CDH8: variants seen among roughly 807,000 people sequenced by gnomAD.
CDH8 encodes cadherin 8.
Under a neutral mutation model 68.1 loss-of-function variants are expected in CDH8, and 17 were observed. The ratio of observed to expected loss-of-function variants is 0.25; its 90% CI spans 0.17 to 0.37. The LOEUF (loss-of-function observed/expected upper bound fraction) is 0.37. Ranked by LOEUF, CDH8 falls within the 10% of genes least tolerant of loss-of-function variation. The pLI is 1.00. For missense variants in CDH8, 763 were observed against 999.3 expected, an observed-to-expected ratio of 0.76 and a Z score of 3.19; for synonymous variants, 372 against 365.1, an observed-to-expected ratio of 1.02 and a Z score of -0.21.
At chr16:61,773,509 A>T (rs1960831844) in intron 8 of CDH8, among the ~76,000 whole-genome samples, 1 of 152,088 alleles carries the variant, frequency 6.6e-6, no homozygotes, top group South Asian at 2.1e-4. Context: ...AATAATACAG[A>T]TGTGAGAAGA....
At chr16:61,715,740 G>A (rs576705782) in intron 9 of CDH8, among the ~76,000 whole-genome samples, 100 of 151,620 alleles carry the variant, frequency 6.6e-4, no homozygotes, top group African/African-American at 2.2e-3. Context: ...TGTAGAGAGA[G>A]GCCCTAGGGT....
chr16:61,652,447 C>T lies in CDH8; in HGVS notation c.*1161G>A. ...AGGATGTTTGTGCTTGTAGTAAAAA[C>T]ACCAAATACTAGGATTATGAACAAA... is the stretch of plus-strand genomic sequence containing the variant. On this transcript the variant is annotated 3_prime_UTR_variant, in exon 12 of 12. Coordinates refer to ENST00000577390, the MANE Select transcript of CDH8 (RefSeq NM_001796.5). The T allele has an allele frequency of 1.0e-6, 1 of 986,082 alleles. No individual in the cohort carries two copies. The highest frequency in any genetic ancestry group is 1.2e-6 in the Non-Finnish European group (1 of 830,218). The allele number at this position is 986,082 out of a possible 1,614,324, so 61.1% of individuals were successfully genotyped here. A position where few individuals can be genotyped will look rare whatever the true frequency, so the allele number is the denominator to read the frequency against.
chr16:61,929,650 G>A (rs370220156), intron 2 of CDH8, among the ~76,000 whole-genome samples: 1 of 152,244 alleles, frequency 6.6e-6, no homozygotes, highest in East Asian at 1.9e-4. Context: ...ACTTTGGGAA[G>A]CCAAGATGGC....
rs112407120 is a variant in CDH8 at position 61,990,917 on chromosome 16, G to C, written c.252+30235C>G. ...GGAGAAGGAAGGAAGGAAAAGGAAG[G>C]AGGGAAGGAAGGAAAAGAAAGAAAC... is the stretch of plus-strand genomic sequence containing the variant. On this transcript the variant is annotated intron_variant, in intron 2 of 11. Coordinates refer to ENST00000577390, the MANE Select transcript of CDH8 (RefSeq NM_001796.5). 7.2e-3 allele frequency among the ~76,000 whole-genome samples: 1,093 copies of C among 150,778 alleles called. 15 individuals carry two copies. The highest frequency in any genetic ancestry group is 0.024 in the African/African-American group (991 of 40,944).
intron 7 of CDH8, among the ~76,000 whole-genome samples, chr16:61,809,335 A>G (rs1358992101): frequency 6.6e-6 from 1 of 152,196 alleles, no homozygotes; most frequent in Non-Finnish European, 1.5e-5. Context: ...TTAGAAAGAA[A>G]AAAAGGTGAC....
At chr16:61,702,735 G>T (rs1964457567) in intron 10 of CDH8, among the ~76,000 whole-genome samples, 1 of 152,204 alleles carries the variant, frequency 6.6e-6, no homozygotes, top group Non-Finnish European at 1.5e-5. Flanking sequence ...AATAAGAACA[G>T]TCTTACTGAG....
At chr16:61,721,655 GA>G (rs59686570) in intron 9 of CDH8, among the ~76,000 whole-genome samples, 3 of 149,822 alleles carry the variant, frequency 2.0e-5, no homozygotes, top group African/African-American at 4.9e-5. Context: ...GTTTTCTTTT[GA>G]AAAAAAATGT....
chr16:61,960,155 G>GTGTGTGTGTACACATACATATATACATA lies in CDH8; in HGVS notation c.253-58683_253-58682insTATGTATATATGTATGTGTACACACACA, dbSNP rs1965094817. On this transcript the variant is annotated intron_variant, in intron 2 of 11. Transcript: ENST00000577390. Reference sequence around the variant, plus strand: ...TATACACATACATATATACATATGTGTGTGTGTATACACATACATATATAC... The same window carrying GTGTGTGTGTACACATACATATATACATA: ...TATACACATACATATATACATATGTGTGTGTGTGTACACATACATATATACATATGTGTGTATACACATACATATATAC... 2.6e-5 allele frequency among the ~76,000 whole-genome samples: 2 copies of GTGTGTGTGTACACATACATATATACATA among 78,084 alleles called. 1 individual carries two copies. The highest frequency in any genetic ancestry group is 5.0e-5 in the Non-Finnish European group (2 of 39,868). 51.2% of individuals were successfully genotyped at this position (78,084 alleles called of 152,430 possible).
intron 8 of CDH8, among the ~76,000 whole-genome samples, chr16:61,783,367 C>T (rs1279258455): frequency 6.2e-5 from 9 of 144,156 alleles, no homozygotes; most frequent in East Asian, 6.0e-4. Context: ...TGAAATGAAG[C>T]GAGAAGGGAA....
chr16:61,965,668 A>G (rs996240875), intron 2 of CDH8, among the ~76,000 whole-genome samples: 1 of 152,122 alleles, frequency 6.6e-6, no homozygotes, highest in African/African-American at 2.4e-5. Context: ...AGCAAGGACT[A>G]GAAGAAACAT....
intron 4 of CDH8, among the ~76,000 whole-genome samples, chr16:61,846,794 A>G (rs1410765113): frequency 6.6e-6 from 1 of 152,148 alleles, no homozygotes; most frequent in Non-Finnish European, 1.5e-5. Flanking sequence ...TTGGAACAAA[A>G]TAAAACAGAC....
chr16:62,030,901 T>C (rs1376692874), intron 1 of CDH8, among the ~76,000 whole-genome samples: 5 of 152,132 alleles, frequency 3.3e-5, no homozygotes, highest in Middle Eastern at 3.2e-3. Context: ...TGGAATTGTC[T>C]TTGAAAACAC....
intron 2 of CDH8, among the ~76,000 whole-genome samples, chr16:61,978,937 G>A (rs1027907): frequency 0.015 from 2,274 of 151,794 alleles, 55 homozygotes; most frequent in African/African-American, 0.051. Flanking sequence ...TCTGCAAAGT[G>A]GAGAACCGCA....
chr16:61,853,991 T>G (rs1222541725), intron 4 of CDH8, among the ~76,000 whole-genome samples: 2 of 152,034 alleles, frequency 1.3e-5, no homozygotes, highest in Admixed American at 1.3e-4. Flanking sequence ...TGTATAAATA[T>G]ATATGTATAT....
intron 1 of CDH8, among the ~76,000 whole-genome samples, chr16:62,025,531 G>T (rs1005776934): frequency 4.6e-5 from 7 of 152,026 alleles, no homozygotes; most frequent in African/African-American, 1.4e-4. Context: ...GTATAGCCCC[G>T]GGGAGAAATT....
rs879665398 is a variant in CDH8 at position 61,787,476 on chromosome 16, C to T, written c.1414+1870G>A. Among the ~76,000 whole-genome samples, 1,250 of 140,110 alleles carry T rather than the reference C, an allele frequency of 8.9e-3. 20 individuals carry two copies. The highest frequency in any genetic ancestry group is 0.028 in the Middle Eastern group (8 of 284). The allele number at this position is 140,110 out of a possible 152,430, so 91.9% of individuals were successfully genotyped here. A position where few individuals can be genotyped will look rare whatever the true frequency, so the allele number is the denominator to read the frequency against. On this transcript the variant is annotated intron_variant, in intron 8 of 11. Transcript: ENST00000577390. Reference sequence around the variant, plus strand: ...GAGAGGATGTGGAGAAATAGGAACACTTTTACACTGTTGGTGGGACTGGAA... The same window carrying T: ...GAGAGGATGTGGAGAAATAGGAACATTTTTACACTGTTGGTGGGACTGGAA...
At chr16:61,672,708 G>C (rs1303071300) in intron 10 of CDH8, among the ~76,000 whole-genome samples, 3 of 151,808 alleles carry the variant, frequency 2.0e-5, no homozygotes, top group Admixed American at 2.0e-4. Flanking sequence ...TTTTTATTTG[G>C]AAGCCTCATA....
At chr16:61,823,379 C>T (rs1962259712) in intron 5 of CDH8, among the ~76,000 whole-genome samples, 1 of 151,844 alleles carries the variant, frequency 6.6e-6, no homozygotes, top group African/African-American at 2.4e-5. Context: ...ATAGCACCAG[C>T]ATGCATCTAA....
chr16:61,659,983 C>T (rs1963524246), intron 10 of CDH8, among the ~76,000 whole-genome samples: 1 of 152,122 alleles, frequency 6.6e-6, no homozygotes, highest in South Asian at 2.1e-4. Flanking sequence ...AACAGCTAGA[C>T]ATGGTCAGGG....
Sources: allele counts gnomAD v4.1 joint callset (sites outside exome capture counted in the v4.1 genomes callset), GRCh38; gene constraint gnomAD v4.1.1; transcripts MANE v1.5; gene names NCBI Gene and HGNC (gene_info 2026-07-23, HGNC 2026-07-21).